ABR: variants seen among roughly 807,000 people sequenced by gnomAD.
The protein encoded by ABR is ABR activator of RhoGEF and GTPase, also known as active breakpoint cluster region-related protein.
A neutral mutation model predicts 107.2 loss-of-function variants in ABR; 35 were observed. The ratio of observed to expected loss-of-function variants is 0.33; its 90% CI spans 0.25 to 0.43. The LOEUF is 0.43. ABR is among the 20% of genes least tolerant of loss of function. ABR has a pLI of 1.00. For synonymous variants in ABR, 498 were observed against 462.0 expected (o/e 1.08, Z -1.00); for missense variants, 815 against 1,115.2 (o/e 0.73, Z 3.83).
intron 1 of ABR, among the ~76,000 whole-genome samples, chr17:1,159,640 T>TAGGA (rs1567841670): frequency 2.3e-4 from 26 of 114,714 alleles, no homozygotes; most frequent in African/African-American, 4.2e-4. Context: ...ACAAGGGAAG[T>TAGGA]ATGCGGTACT....
chr17:1,064,713 G>A (rs371472290), intron 10 of ABR, among the ~76,000 whole-genome samples: 10 of 125,528 alleles, frequency 8.0e-5, no homozygotes, highest in African/African-American at 1.2e-4. Context: ...AGACACTGCT[G>A]TTACGTGAAC....
rs1206350451 is a variant in ABR, at chr17:1,175,327, G to A, written c.61+4340C>T. Among the ~76,000 whole-genome samples the A allele has an allele frequency of 4.6e-5, 7 of 152,212 alleles. No individual in the cohort carries two copies. The East Asian group carries it at 5.8e-4, about 13-fold the overall frequency. On this transcript the variant is annotated intron_variant, in intron 1 of 22. Coordinates refer to ENST00000302538, the MANE Select transcript of ABR (RefSeq NM_021962.5). ...CTCAGGAGGCTGAGGCAGGAGAATC[G>A]CTTGAACCGGGGAGGCGGAGGTTGC... is the stretch of plus-strand genomic sequence containing the variant.
intron 2 of ABR, among the ~76,000 whole-genome samples, chr17:1,123,891 G>A (rs765932233): frequency 1.2e-4 from 19 of 152,172 alleles, no homozygotes; most frequent in African/African-American, 3.6e-4. Flanking sequence ...CCGCAGGTCC[G>A]AGACGCTTGT....
intron 1 of ABR, among the ~76,000 whole-genome samples, chr17:1,158,591 T>A (rs927597788): frequency 6.6e-6 from 1 of 151,472 alleles, no homozygotes; most frequent in African/African-American, 2.4e-5. Context: ...GATGAAACCT[T>A]GTCTGTACTA....
At chr17:1,067,017 C>T in intron 10 of ABR, 60 bp downstream of exon 10, 1 of 1,579,674 alleles carries the variant, frequency 6.3e-7, no homozygotes, top group Non-Finnish European at 8.6e-7. Flanking sequence ...TTCCTGCCTC[C>T]ACCTCCCCCA....
chr17:1,196,360 G>A (rs2042565223), intron 1 of ABR, among the ~76,000 whole-genome samples: 2 of 152,084 alleles, frequency 1.3e-5, no homozygotes, highest in Admixed American at 6.6e-5. Flanking sequence ...AACCCAGGAG[G>A]TGGAGGTCAC....
chr17:1,211,802 C>T (rs1293131814), intron 1 of ABR, among the ~76,000 whole-genome samples: 2 of 152,146 alleles, frequency 1.3e-5, no homozygotes, highest in South Asian at 2.1e-4. Context: ...GTAACAAGGC[C>T]GGCCACGGTG....
In ABR at chr17:1,198,027, G is replaced by A. The variant is rs1347098475; in HGVS notation, c.838+30766C>T. Among the ~76,000 whole-genome samples the A allele has an allele frequency of 2.6e-5, 4 of 151,692 alleles. 1 individual carries two copies. The highest frequency in any genetic ancestry group is 5.9e-5 in the Non-Finnish European group (4 of 68,016). On this transcript the variant is annotated intron_variant, in intron 1 of 22. Coordinates refer to the ABR transcript ENST00000574139. ...CCCACGCTGTGGGTTAGTTCTTTGGGGGCCCTAAAGGAGAGCTGAGCTGTC... is the reference window on the plus strand; with the variant it reads ...CCCACGCTGTGGGTTAGTTCTTTGGAGGCCCTAAAGGAGAGCTGAGCTGTC...
Position 1,031,798 on chromosome 17 carries a change from C to G in ABR, c.1791+18252G>C, listed in dbSNP as rs866309354. 1,828 of 1,229,436 alleles carry G rather than the reference C, an allele frequency of 1.5e-3. 27 individuals carry two copies. The African/African-American group carries it at 0.026, about 17-fold the overall frequency. The allele number at this position is 1,229,436 out of a possible 1,614,324, so 76.2% of individuals were successfully genotyped here. A position where few individuals can be genotyped will look rare whatever the true frequency, so the allele number is the denominator to read the frequency against. On this transcript the variant is annotated intron_variant, in intron 16 of 22. Coordinates refer to ENST00000302538, the MANE Select transcript of ABR (RefSeq NM_021962.5). ...AAGGCGCCTGTGGAGCGCTCAGTCC[C>G]GGCTGCCAGTCCCGCTAGTTCCCTA... is the stretch of plus-strand genomic sequence containing the variant.
chr17:1,201,185 G>A (rs1453308195), intron 1 of ABR, among the ~76,000 whole-genome samples: 2 of 152,164 alleles, frequency 1.3e-5, no homozygotes, highest in Non-Finnish European at 2.9e-5. Flanking sequence ...ATAGCTTCAC[G>A]GGGCCGGTGT....
Position 1,195,926 on chromosome 17 carries a change from C to T in ABR, c.838+32867G>A, listed in dbSNP as rs902677504. Among the ~76,000 whole-genome samples the T allele has an allele frequency of 2.1e-4, 31 of 150,252 alleles. 1 individual carries two copies. Among genetic ancestry groups the T allele is most frequent in the African/African-American group, 7.7e-4 (31 of 40,226 alleles). On this transcript the variant is annotated intron_variant, in intron 1 of 22. Transcript: ENST00000574139. ...CAGGGATCACTTGAGGTCAGGAGTGCGAGACGAGCCTGGGCAACATGGCAA... is the reference window on the plus strand; with the variant it reads ...CAGGGATCACTTGAGGTCAGGAGTGTGAGACGAGCCTGGGCAACATGGCAA...
Position 1,078,924 on chromosome 17 carries a change from C to T in ABR, c.700+406G>A, listed in dbSNP as rs1177826004. 2 of 1,531,470 alleles carry T rather than the reference C, an allele frequency of 1.3e-6. No homozygotes were observed. The allele number at this position is 1,531,470 out of a possible 1,614,324, so 94.9% of individuals were successfully genotyped here. Reference sequence around the variant, plus strand: ...CTCCAGGCTCCCCGGCGCCCACCAGCAGCCCGGCCACTCAGCCACCTTGCT... The same window carrying T: ...CTCCAGGCTCCCCGGCGCCCACCAGTAGCCCGGCCACTCAGCCACCTTGCT... On this transcript the variant is annotated intron_variant, in intron 6 of 22. Coordinates refer to ENST00000302538, the MANE Select transcript of ABR (RefSeq NM_021962.5). This position sits in a 1 kb window ranked among gnomAD's most constrained non-coding sequence, Gnocchi z 7.5.
rs1371341498 is a variant in ABR at position 1,025,079 on chromosome 17, G to A, written c.1792-11915C>T. ...GGAGCCTGCAGTGAGCCAAGATTGC[G>A]CCACTGCACTCCAGCCTGGGCGACA... On this transcript the variant is annotated intron_variant, in intron 16 of 22. Transcript: ENST00000302538. 3.6e-4 allele frequency among the ~76,000 whole-genome samples: 42 copies of A among 117,576 alleles called. 2 individuals are homozygous for A. Among genetic ancestry groups the A allele is most frequent in the African/African-American group, 1.2e-3 (39 of 31,622 alleles). The allele number at this position is 117,576 out of a possible 152,430, so 77.1% of individuals were successfully genotyped here.
chr17:1,206,571 C>T (rs372472732), intron 1 of ABR, among the ~76,000 whole-genome samples: 33 of 152,182 alleles, frequency 2.2e-4, no homozygotes, highest in African/African-American at 7.5e-4. Flanking sequence ...AACCAGCTTT[C>T]GTTTCTGGGC....
chr17:1,144,588 C>CAAA (rs60536584), intron 1 of ABR, among the ~76,000 whole-genome samples: 6 of 140,982 alleles, frequency 4.3e-5, no homozygotes, highest in African/African-American at 1.6e-4. Context: ...GTCAATCAGG[C>CAAA]AAAAAAAAAA....
intron 16 of ABR, among the ~76,000 whole-genome samples, chr17:1,034,645 T>C (rs959233945): frequency 6.6e-6 from 1 of 151,794 alleles, no homozygotes; most frequent in Non-Finnish European, 1.5e-5. Context: ...GGTCCCAGCT[T>C]TACTCTACCT....
At chr17:1,124,499 C>T (rs2039501055) in intron 2 of ABR, among the ~76,000 whole-genome samples, 1 of 152,276 alleles carries the variant, frequency 6.6e-6, no homozygotes, top group Admixed American at 6.5e-5. Context: ...CTCCGACAGG[C>T]ACACACGAGC....
intron 16 of ABR, among the ~76,000 whole-genome samples, chr17:1,026,601 C>T (rs1215825144): frequency 6.6e-6 from 1 of 152,184 alleles, no homozygotes; most frequent in Non-Finnish European, 1.5e-5. Context: ...TCTCCAGGGC[C>T]CATCCTGGAG....
chr17:1,081,626 G>A (rs1461468216), intron 5 of ABR, among the ~76,000 whole-genome samples: 2 of 152,184 alleles, frequency 1.3e-5, no homozygotes, highest in East Asian at 3.8e-4. Flanking sequence ...CACCAGACTG[G>A]AGTGCAGTGG....
Sources: gnomAD v4.1 joint callset for allele counts (sites outside exome capture counted in the v4.1 genomes callset) on GRCh38, gnomAD v4.1.1 for gene constraint, Gnocchi (gnomAD v3.1) non-coding constraint, MANE v1.5 for transcripts, NCBI Gene and HGNC (gene_info 2026-07-23, HGNC 2026-07-21) for gene names.